The following PCDH17 variants were observed in gnomAD, a reference collection of about 807,000 sequenced individuals.
PCDH17 encodes the protein protocadherin 17.
PCDH17 carries 21 observed loss-of-function variants against 67.7 expected under a neutral mutation model. The ratio of observed to expected loss-of-function variants is 0.31; its 90% CI spans 0.22 to 0.45. PCDH17 has a LOEUF of 0.45. Ranked by LOEUF, PCDH17 falls within the 20% of genes least tolerant of loss-of-function variation. The pLI is 1.00. For synonymous variants in PCDH17, 701 were observed against 656.7 expected (o/e 1.07, Z -1.03); for missense variants, 1,471 against 1,564.8 (o/e 0.94, Z 1.01).
intron 1 of PCDH17, among the ~76,000 whole-genome samples, chr13:57,638,970 G>A (rs1396764258): frequency 1.3e-5 from 2 of 151,962 alleles, no homozygotes; most frequent in African/African-American, 4.8e-5. Context: ...CAAATACAAA[G>A]TGCGTGAACA....
intron 3 of PCDH17, among the ~76,000 whole-genome samples, chr13:57,719,235 TA>T (rs1030954470): frequency 8.5e-5 from 13 of 152,144 alleles, no homozygotes; most frequent in Admixed American, 7.9e-4. Flanking sequence ...TTAGAAATGA[TA>T]CCAACTACCA....
At chr13:57,669,521 AGTCT>A (rs1955295504) in intron 3 of PCDH17, among the ~76,000 whole-genome samples, 1 of 151,808 alleles carries the variant, frequency 6.6e-6, no homozygotes, top group Admixed American at 6.6e-5. Context: ...TCTATCTGTC[AGTCT>A]GTCTTTCAAC....
At chr13:57,716,088 A>G (rs1955814413) in intron 3 of PCDH17, among the ~76,000 whole-genome samples, 1 of 151,856 alleles carries the variant, frequency 6.6e-6, no homozygotes, top group East Asian at 1.9e-4. Context: ...TGTCTGTTGG[A>G]GATACTCTGG....
intron 1 of PCDH17, among the ~76,000 whole-genome samples, chr13:57,647,186 T>C (rs1954975295): frequency 6.6e-6 from 1 of 151,902 alleles, no homozygotes; most frequent in African/African-American, 2.4e-5. Context: ...AAGTACTTTT[T>C]AGTCTTTATA....
intron 3 of PCDH17, among the ~76,000 whole-genome samples, chr13:57,672,845 C>T (rs755818553): frequency 1.3e-5 from 2 of 151,820 alleles, no homozygotes; most frequent in Non-Finnish European, 2.9e-5. Flanking sequence ...AAGAGAGGGT[C>T]GAGATGCTTA....
chr13:57,698,604 T>C (rs930502170), intron 3 of PCDH17, among the ~76,000 whole-genome samples: 5 of 151,968 alleles, frequency 3.3e-5, no homozygotes, highest in Non-Finnish European at 7.4e-5. Flanking sequence ...TTGAGGACTA[T>C]ATAGTGAAAT....
In PCDH17 at chr13:57,709,286, A is replaced by G. The variant is rs191779241; in HGVS notation, c.2798-15326A>G. ...AAACCTTGGTAACTAGGGATATTAC[A>G]GAATAGTTTGTGACTTTAATTTTTG... On this transcript the variant is annotated intron_variant, in intron 3 of 3. Coordinates refer to ENST00000377918, the MANE Select transcript of PCDH17 (RefSeq NM_001040429.3). 2.5e-3 allele frequency among the ~76,000 whole-genome samples: 377 copies of G among 151,934 alleles called. 2 individuals carry two copies. The Middle Eastern group carries it at 0.037, about 15-fold the overall frequency.
At position 57,634,612 on chromosome 13, in the gene PCDH17, C is replaced by T. The variant is rs1260800200; in HGVS notation, c.2066C>T (p.Pro689Leu). ...LIIRSVSGSL[P>L]EGVPRVNGEQ... ...ATCCGCTCGGTGAGCGGATCCCTTC[C>T]CGAGGGGGTACCACGGGTGAATGGC... The change falls in exon 1 of 4, where the codon CCC becomes CTC. Residue 689 changes from proline to leucine, a missense_variant. By Grantham distance (98) the Pro-to-Leu change is moderately conservative. This residue lies in a region of PCDH17 where 1,163 missense variants were observed against 1,230.0 expected (regional missense o/e 0.95). Transcript: ENST00000377918. This position sits in a 1 kb window ranked among gnomAD's most constrained non-coding sequence, Gnocchi z 7.8. 3.2e-5 allele frequency: 52 copies of T among 1,613,438 alleles called. No individual in the cohort carries two copies. Among genetic ancestry groups the T allele is most frequent in the Non-Finnish European group, 4.3e-5 (51 of 1,179,994 alleles).
At chr13:57,701,535 C>A (rs958435406) in intron 3 of PCDH17, among the ~76,000 whole-genome samples, 1 of 18,330 alleles carries the variant, frequency 5.5e-5, no homozygotes, top group Non-Finnish European at 7.6e-5. Flanking sequence ...ATTTAAGACA[C>A]CCATATTTTG....
At chr13:57,714,681 C>T (rs1346727978) in intron 3 of PCDH17, among the ~76,000 whole-genome samples, 1 of 151,748 alleles carries the variant, frequency 6.6e-6, no homozygotes, top group Non-Finnish European at 1.5e-5. Context: ...AGGTTTCTCA[C>T]TGCATATAAA....
At chr13:57,681,365 G>A (rs1955449087) in intron 3 of PCDH17, among the ~76,000 whole-genome samples, 1 of 151,778 alleles carries the variant, frequency 6.6e-6, no homozygotes, top group Non-Finnish European at 1.5e-5. Flanking sequence ...GATTTATGGA[G>A]AGTACTTCAG....
chr13:57,724,582 G>A, intron 3 of PCDH17, 30 bp from the exon 4 acceptor site: 1 of 1,563,008 alleles, frequency 6.4e-7, no homozygotes, highest in Non-Finnish European at 8.8e-7. Context: ...TCTAATGATT[G>A]GATTTGCTGT....
At chr13:57,639,369 A>G (rs1411443609) in intron 1 of PCDH17, among the ~76,000 whole-genome samples, 2 of 151,874 alleles carry the variant, frequency 1.3e-5, no homozygotes, top group African/African-American at 4.8e-5. Context: ...AAGTCCAAAA[A>G]TTGTTATCAT....
upstream of PCDH17, among the ~76,000 whole-genome samples, chr13:57,630,932 T>G (rs964559386): frequency 2.6e-5 from 4 of 152,154 alleles, no homozygotes; most frequent in Non-Finnish European, 4.4e-5. Context: ...CCCGAAATAA[T>G]GTGTAGACAG....
chr13:57,716,313 T>C (rs1441051133), intron 3 of PCDH17, among the ~76,000 whole-genome samples: 1 of 152,030 alleles, frequency 6.6e-6, no homozygotes, highest in Non-Finnish European at 1.5e-5. Context: ...ATTTGGTCTT[T>C]TACTTAGAAC....
In PCDH17 at chr13:57,639,673, T is replaced by G. The variant is rs1240343472; in HGVS notation, c.2565+4562T>G. ...TCTTTTGAAAATGTCAGGAGTAAGA[T>G]AATTTTTAATTTTACTTGAGTTGTG... On this transcript the variant is annotated intron_variant, in intron 1 of 3. Transcript: ENST00000377918. Among the ~76,000 whole-genome samples, 4 of 151,994 alleles carry G rather than the reference T, an allele frequency of 2.6e-5. No individual in the cohort carries two copies. In the East Asian group the frequency reaches 7.7e-4, roughly 29 times the overall value.
intron 1 of PCDH17, among the ~76,000 whole-genome samples, chr13:57,635,580 A>C (rs1954813402): frequency 6.6e-6 from 1 of 152,204 alleles, no homozygotes. Flanking sequence ...ACAGAATAAC[A>C]ACCAGTCAGA....
chr13:57,655,864 A>G (rs1026126922), intron 1 of PCDH17, among the ~76,000 whole-genome samples: 9 of 45,196 alleles, frequency 2.0e-4, no homozygotes, highest in Non-Finnish European at 3.6e-4. Flanking sequence ...TGTAACAGTA[A>G]TTGTAAAAAA....
intron 3 of PCDH17, among the ~76,000 whole-genome samples, chr13:57,682,257 G>A (rs73519462): frequency 0.017 from 2,636 of 151,542 alleles, 68 homozygotes; most frequent in African/African-American, 0.06. Flanking sequence ...TCATTAAGCC[G>A]TGTTGTTACC....
Sources: gnomAD v4.1 joint callset for allele counts (sites outside exome capture counted in the v4.1 genomes callset) on GRCh38, gnomAD v4.1.1 for gene constraint, gnomAD v4.1.1 regional missense constraint, Gnocchi (gnomAD v3.1) non-coding constraint, MANE v1.5 for transcripts, NCBI Gene and HGNC (gene_info 2026-07-23, HGNC 2026-07-21) for gene names.